NR1H4: variants seen among roughly 807,000 people sequenced by gnomAD.
The protein encoded by NR1H4 is nuclear receptor subfamily 1 group H member 4.
In NR1H4, 23 loss-of-function variants were observed where a neutral mutation model predicts 58.5. The observed-to-expected ratio is 0.39, with a 90% confidence interval of 0.28 to 0.56. NR1H4 has a LOEUF of 0.56. NR1H4 is among the 20% of genes least tolerant of loss of function. The pLI is 0.58. For synonymous variants in NR1H4, 214 were observed against 198.0 expected (o/e 1.08, Z -0.68); for missense variants, 487 against 576.9 (o/e 0.84, Z 1.60).
At chr12:100,528,372 G>GA (rs200069335) in intron 4 of NR1H4, among the ~76,000 whole-genome samples, 6,560 of 136,790 alleles carry the variant, frequency 0.048, 300 homozygotes, top group African/African-American at 0.13. Flanking sequence ...ATCTGGGAAA[G>GA]AAAAAAAAAA....
chr12:100,554,788 A>G (rs1955286590), intron 9 of NR1H4, among the ~76,000 whole-genome samples: 3 of 152,174 alleles, frequency 2.0e-5, no homozygotes, highest in Admixed American at 2.0e-4. Context: ...AAGCAGGAAA[A>G]CAGGAAAAGG....
At chr12:100,518,019 C>T (rs764070716) in intron 4 of NR1H4, among the ~76,000 whole-genome samples, 8 of 152,178 alleles carry the variant, frequency 5.3e-5, no homozygotes, top group Admixed American at 2.6e-4. Context: ...AGGAAGAAAA[C>T]GAAGCAGTCC....
chr12:100,527,750 G>T (rs1195725943), intron 4 of NR1H4, among the ~76,000 whole-genome samples: 1 of 152,074 alleles, frequency 6.6e-6, no homozygotes, highest in Non-Finnish European at 1.5e-5. Flanking sequence ...TATGGTGTTT[G>T]GTTTTTTGTC....
At chr12:100,492,434 T>C (rs371469760) in intron 1 of NR1H4, 69 bp from the exon 2 acceptor site, 4 of 152,214 alleles carry the variant, frequency 2.6e-5, no homozygotes, top group African/African-American at 7.2e-5. Context: ...GAAAACAGCT[T>C]GGGAAAAGAG....
At chr12:100,531,406 G>A (rs753004468) in intron 4 of NR1H4, among the ~76,000 whole-genome samples, 7 of 152,184 alleles carry the variant, frequency 4.6e-5, no homozygotes, top group Non-Finnish European at 1.0e-4. Context: ...CATGAGCTGA[G>A]ATTGTGCCAC....
At chr12:100,501,763 A>C (rs1205912521) in intron 3 of NR1H4, among the ~76,000 whole-genome samples, 1 of 152,208 alleles carries the variant, frequency 6.6e-6, no homozygotes, top group Non-Finnish European at 1.5e-5. Context: ...TTTTATCTTC[A>C]GAACAGGCCT....
chr12:100,479,395 T>C (rs1314848496), intron 1 of NR1H4, among the ~76,000 whole-genome samples: 2 of 152,238 alleles, frequency 1.3e-5, no homozygotes, highest in Non-Finnish European at 2.9e-5. Flanking sequence ...TCTTTATTTT[T>C]ACCCTCAAAG....
intron 9 of NR1H4, among the ~76,000 whole-genome samples, chr12:100,558,632 T>C (rs764286378): frequency 1.3e-5 from 2 of 152,220 alleles, no homozygotes; most frequent in Non-Finnish European, 1.5e-5. Context: ...GTGTTGGGAT[T>C]ATAGGCGTAA....
chr12:100,476,334 G>A (rs1377557058), intron 1 of NR1H4, among the ~76,000 whole-genome samples: 1 of 152,158 alleles, frequency 6.6e-6, no homozygotes, highest in Admixed American at 6.5e-5. Flanking sequence ...CTCCTGCATA[G>A]GGCATTTTCG....
At chr12:100,560,950 C>T (rs1054255569) in intron 9 of NR1H4, among the ~76,000 whole-genome samples, 7 of 151,834 alleles carry the variant, frequency 4.6e-5, no homozygotes, top group Admixed American at 6.6e-5. Context: ...AATGGGAACG[C>T]CAGGAAAGAA....
At chr12:100,556,869 C>T (rs751437408) in intron 9 of NR1H4, among the ~76,000 whole-genome samples, 9 of 152,214 alleles carry the variant, frequency 5.9e-5, no homozygotes, top group Admixed American at 2.0e-4. Flanking sequence ...AAAATATCTA[C>T]GGAAGGGATG....
chr12:100,558,821 G>A (rs1341869469), intron 9 of NR1H4, among the ~76,000 whole-genome samples: 3 of 152,218 alleles, frequency 2.0e-5, no homozygotes, highest in Admixed American at 6.5e-5. Context: ...GTGATAGAGT[G>A]CAGCTTAGCC....
At chr12:100,503,154 C>A (rs938313514) in intron 3 of NR1H4, among the ~76,000 whole-genome samples, 1 of 152,116 alleles carries the variant, frequency 6.6e-6, no homozygotes, top group African/African-American at 2.4e-5. Context: ...AGTTTTAGAG[C>A]CAGTGAACAG....
intron 9 of NR1H4, among the ~76,000 whole-genome samples, chr12:100,550,106 A>T (rs1216827683): frequency 2.6e-5 from 4 of 152,200 alleles, no homozygotes; most frequent in Non-Finnish European, 5.9e-5. Flanking sequence ...ATACACAAAG[A>T]TAACTGTCTC....
chr12:100,526,581 G>A (rs899072340), intron 4 of NR1H4, among the ~76,000 whole-genome samples: 7 of 152,220 alleles, frequency 4.6e-5, no homozygotes, highest in East Asian at 1.9e-4. Context: ...CTCCAGGATC[G>A]TGCGCAAACC....
At chr12:100,518,539 G>A (rs371345562) in intron 4 of NR1H4, among the ~76,000 whole-genome samples, 1 of 152,186 alleles carries the variant, frequency 6.6e-6, no homozygotes, top group African/African-American at 2.4e-5. Flanking sequence ...GTTGGAACCA[G>A]GCAGGGCCCA....
chr12:100,483,985 G>GA (rs61582838), intron 1 of NR1H4, among the ~76,000 whole-genome samples: 13,034 of 70,076 alleles, frequency 0.19, 1,497 homozygotes, highest in African/African-American at 0.35. Context: ...CTCTGTCTCA[G>GA]AAAAAAAAAA....
chr12:100,491,220 C>T (rs1027515466), intron 1 of NR1H4, among the ~76,000 whole-genome samples: 3 of 152,082 alleles, frequency 2.0e-5, no homozygotes, highest in African/African-American at 7.2e-5. Context: ...ACTAAGTCTG[C>T]TCTGGCTGTT....
intron 1 of NR1H4, among the ~76,000 whole-genome samples, chr12:100,476,127 G>A (rs1191254440): frequency 6.6e-6 from 1 of 152,158 alleles, no homozygotes; most frequent in Non-Finnish European, 1.5e-5. Flanking sequence ...GGAAGTAGCG[G>A]GACCTGAACT....
Sources: gnomAD v4.1 joint callset for allele counts (sites outside exome capture counted in the v4.1 genomes callset) on GRCh38, gnomAD v4.1.1 for gene constraint, MANE v1.5 for transcripts, NCBI Gene and HGNC (gene_info 2026-07-23, HGNC 2026-07-21) for gene names.